The following PPP1R9A variants were observed in gnomAD, a reference collection of about 807,000 sequenced individuals.
PPP1R9A encodes neurabin-1.
A neutral mutation model predicts 141.9 loss-of-function variants in PPP1R9A; 59 were observed. The observed-to-expected ratio is 0.42, with a 90% CI of 0.34 to 0.52. PPP1R9A has a LOEUF of 0.52. Ranked by LOEUF, PPP1R9A falls within the 20% of genes least tolerant of loss-of-function variation. The pLI is 0.10. For synonymous variants in PPP1R9A, 500 were observed against 569.7 expected, an observed-to-expected ratio of 0.88 and a Z score of 1.74; for missense variants, 1,444 against 1,611.9, an observed-to-expected ratio of 0.90 and a Z score of 1.78.
chr7:94,961,001 C>G (rs1797578913), intron 2 of PPP1R9A, among the ~76,000 whole-genome samples: 1 of 151,502 alleles, frequency 6.6e-6, no homozygotes, highest in Non-Finnish European at 1.5e-5. Context: ...TTCTATAGAG[C>G]TGGCATCTGC....
chr7:95,112,975 A>G (rs1820825547), intron 3 of PPP1R9A, among the ~76,000 whole-genome samples: 2 of 152,184 alleles, frequency 1.3e-5, no homozygotes, highest in Admixed American at 1.3e-4. Flanking sequence ...ACTTGCGCAC[A>G]ATGCGAACTA....
At chr7:95,003,304 T>C (rs756089862) in intron 2 of PPP1R9A, among the ~76,000 whole-genome samples, 74 of 152,280 alleles carry the variant, frequency 4.9e-4, no homozygotes, top group Admixed American at 3.3e-3. Context: ...GCATAAAATG[T>C]AGTCCATGCT....
chr7:95,015,951 AC>A (rs1156665468), intron 2 of PPP1R9A, among the ~76,000 whole-genome samples: 2 of 152,018 alleles, frequency 1.3e-5, no homozygotes, highest in African/African-American at 4.8e-5. Context: ...TACTCAGGAG[AC>A]TGAGGCAAGA....
chr7:95,040,525 A>T (rs1182766544), intron 2 of PPP1R9A, among the ~76,000 whole-genome samples: 3 of 152,016 alleles, frequency 2.0e-5, no homozygotes, highest in African/African-American at 7.3e-5. Context: ...ATAATAATAC[A>T]GGATGTACTC....
At chr7:95,211,624 C>T (rs1238564865) in intron 7 of PPP1R9A, among the ~76,000 whole-genome samples, 4 of 152,072 alleles carry the variant, frequency 2.6e-5, no homozygotes, top group Non-Finnish European at 5.9e-5. Context: ...TTTTTACTAA[C>T]TCTGGGTCTA....
intron 5 of PPP1R9A, among the ~76,000 whole-genome samples, chr7:95,174,451 A>G (rs980484816): frequency 1.1e-4 from 17 of 152,168 alleles, no homozygotes; most frequent in South Asian, 2.1e-4. Flanking sequence ...TTACACAACT[A>G]TGTATACATT....
At chr7:95,247,867 C>A (rs1400485370) in intron 9 of PPP1R9A, among the ~76,000 whole-genome samples, 1 of 152,128 alleles carries the variant, frequency 6.6e-6, no homozygotes, top group Non-Finnish European at 1.5e-5. Flanking sequence ...ATCTCCTCTT[C>A]ACTTACCTTA....
chr7:95,101,104 G>A (rs994253277), intron 2 of PPP1R9A, among the ~76,000 whole-genome samples: 2 of 151,712 alleles, frequency 1.3e-5, no homozygotes, highest in Non-Finnish European at 2.9e-5. Flanking sequence ...CGCCCGCCTC[G>A]GCCTCCCAAA....
intron 2 of PPP1R9A, among the ~76,000 whole-genome samples, chr7:95,102,928 A>G (rs528420522): frequency 3.6e-4 from 55 of 152,338 alleles, no homozygotes; most frequent in African/African-American, 1.3e-3. Context: ...TCTAGAGTCT[A>G]TGAAGTATCT....
At chr7:94,990,844 C>T (rs949402922) in intron 2 of PPP1R9A, among the ~76,000 whole-genome samples, 12 of 151,890 alleles carry the variant, frequency 7.9e-5, no homozygotes, top group African/African-American at 2.2e-4. Context: ...ACATAATGTC[C>T]GCCAGTTCCA....
At chr7:95,157,592 C>T (rs1294408360) in intron 4 of PPP1R9A, among the ~76,000 whole-genome samples, 2 of 152,184 alleles carry the variant, frequency 1.3e-5, no homozygotes, top group African/African-American at 4.8e-5. Flanking sequence ...CTGCAGTCGG[C>T]GTGATGGCAG....
intron 2 of PPP1R9A, among the ~76,000 whole-genome samples, chr7:95,057,460 G>A (rs1811656276): frequency 6.6e-6 from 1 of 152,092 alleles, no homozygotes. Flanking sequence ...TAGTGCAGAT[G>A]TGAAATAGTC....
At chr7:95,054,374 C>T (rs561066133) in intron 2 of PPP1R9A, among the ~76,000 whole-genome samples, 1 of 152,192 alleles carries the variant, frequency 6.6e-6, no homozygotes, top group African/African-American at 2.4e-5. Flanking sequence ...ATCCATCTGC[C>T]TTGGCCTCCC....
intron 6 of PPP1R9A, 51 bp from the exon 7 acceptor site, chr7:95,203,614 C>T: frequency 7.3e-7 from 1 of 1,366,512 alleles, no homozygotes; most frequent in Non-Finnish European, 1.0e-6. Flanking sequence ...TCAGGCTGCT[C>T]TCTGCGGTGG....
intron 2 of PPP1R9A, among the ~76,000 whole-genome samples, chr7:95,054,396 A>G (rs924055128): frequency 6.6e-6 from 1 of 151,904 alleles, no homozygotes; most frequent in Non-Finnish European, 1.5e-5. Context: ...AAGTGCTGGG[A>G]TTATAGGTGT....
rs1807075026 is a variant in PPP1R9A, at chr7:95,296,168, T to A, written c.*5865T>A. 6.6e-6 allele frequency: 1 copy of A among 152,636 alleles called. No individual in the cohort carries two copies. Among genetic ancestry groups the A allele is most frequent in the Admixed American group, 6.5e-5 (1 of 15,276 alleles). The allele number at this position is 152,636 out of a possible 1,614,324, so 9.5% of individuals were successfully genotyped here. A position where few individuals can be genotyped will look rare whatever the true frequency, so the allele number is the denominator to read the frequency against. ...AGAGACAATAGTGCCACGTCTGAAT[T>A]GTTCTCTTGTGCTTGGTTAATATGT... On this transcript the variant is annotated 3_prime_UTR_variant, in exon 20 of 20. Transcript: ENST00000433360.
chr7:95,068,298 C>T lies in PPP1R9A; in HGVS notation c.1396-42961C>T, dbSNP rs539514246. ...CAGCCTGGCCAACATGGTGAAAGCCCATCTCTACTAAAAATACAAAAATTA... is the reference window on the plus strand; with the variant it reads ...CAGCCTGGCCAACATGGTGAAAGCCTATCTCTACTAAAAATACAAAAATTA... On this transcript the variant is annotated intron_variant, in intron 2 of 19. Coordinates refer to ENST00000433360, the MANE Select transcript of PPP1R9A (RefSeq NM_001166160.2). Among the ~76,000 whole-genome samples the T allele has an allele frequency of 2.0e-4, 30 of 151,372 alleles. 1 individual carries two copies. The highest frequency in any genetic ancestry group is 5.9e-4 in the Admixed American group (9 of 15,198).
At position 95,148,897 on chromosome 7, in the gene PPP1R9A, T is replaced by C. The variant is rs927791931; in HGVS notation, c.1650-12970T>C. 1.3e-4 allele frequency among the ~76,000 whole-genome samples: 20 copies of C among 151,682 alleles called. No homozygotes were observed. In the East Asian group the frequency reaches 3.7e-3, roughly 28 times the overall value. ...CTCTAACACCAAAATCAGACAAAAA[T>C]GTTACAAGAAAAGTAAACTATAGAT... On this transcript the variant is annotated intron_variant, in intron 4 of 19. Coordinates refer to ENST00000433360, the MANE Select transcript of PPP1R9A (RefSeq NM_001166160.2).
At chr7:95,165,122 A>G (rs1469724870) in intron 5 of PPP1R9A, among the ~76,000 whole-genome samples, 4 of 151,970 alleles carry the variant, frequency 2.6e-5, no homozygotes, top group Non-Finnish European at 5.9e-5. Context: ...CTCTATCTCA[A>G]TTACCATGTT....
Sources: gnomAD v4.1 joint callset for allele counts (sites outside exome capture counted in the v4.1 genomes callset) on GRCh38, gnomAD v4.1.1 for gene constraint, MANE v1.5 for transcripts, NCBI Gene and HGNC (gene_info 2026-07-23, HGNC 2026-07-21) for gene names.